TLE4: variants seen among roughly 807,000 people sequenced by gnomAD.
TLE4 encodes the protein transducin-like enhancer protein 4.
A neutral mutation model predicts 92.8 loss-of-function variants in TLE4; 8 were observed. The ratio of observed to expected loss-of-function variants is 0.09; its 90% confidence interval spans 0.05 to 0.16. The LOEUF (loss-of-function observed/expected upper bound fraction) is 0.16. TLE4 is among the 10% of genes least tolerant of loss of function. The pLI, the probability that TLE4 is intolerant of heterozygous loss-of-function variation, is 1.00. For missense variants in TLE4, 675 were observed against 997.6 expected (o/e 0.68, Z 4.36); for synonymous variants, 371 against 374.1 (o/e 0.99, Z 0.10).
In TLE4 at chr9:79,676,829, A is replaced by T. The variant is rs112304150; in HGVS notation, c.609+22754A>T. Among the ~76,000 whole-genome samples, 136 of 152,306 alleles carry T rather than the reference A, an allele frequency of 8.9e-4. 1 individual carries two copies. Among genetic ancestry groups the T allele is most frequent in the African/African-American group, 2.8e-3 (118 of 41,590 alleles). The stretch of plus-strand genomic sequence containing the variant: ...ATAGCAGAGCTTTATTATTTTAAAA[A>T]ATCCTCAAATTATTAGTTTGAGCTA... On this transcript the variant is annotated intron_variant, in intron 8 of 19. Coordinates refer to ENST00000376552, the MANE Select transcript of TLE4 (RefSeq NM_007005.6).
chr9:79,673,695 CAGAGT>C (rs2062786300), intron 8 of TLE4, among the ~76,000 whole-genome samples: 1 of 152,150 alleles, frequency 6.6e-6, no homozygotes, highest in Non-Finnish European at 1.5e-5. Flanking sequence ...TTGCATTTAA[CAGAGT>C]AATTTCCCCC....
intron 14 of TLE4, among the ~76,000 whole-genome samples, chr9:79,713,245 C>A (rs886772629): frequency 6.6e-6 from 1 of 152,144 alleles, no homozygotes; most frequent in Non-Finnish European, 1.5e-5. Flanking sequence ...AAGCCAGTGA[C>A]CTTCTTTAAA....
intron 5 of TLE4, among the ~76,000 whole-genome samples, chr9:79,623,297 A>G (rs183869464): frequency 2.9e-4 from 44 of 152,232 alleles, no homozygotes; most frequent in Admixed American, 1.7e-3. Flanking sequence ...CATTGGCATG[A>G]CAGGTATTCT....
At chr9:79,585,873 C>G (rs1355259792) in intron 4 of TLE4, among the ~76,000 whole-genome samples, 1 of 143,910 alleles carries the variant, frequency 6.9e-6, no homozygotes, top group Non-Finnish European at 1.5e-5. Context: ...CAGTGAGACG[C>G]AGATGTTAGA....
chr9:79,704,248 G>C (rs2070857427), intron 8 of TLE4, among the ~76,000 whole-genome samples: 1 of 152,066 alleles, frequency 6.6e-6, no homozygotes, highest in Non-Finnish European at 1.5e-5. Context: ...TGAGTAGCTG[G>C]GACTGCAGGC....
intron 4 of TLE4, among the ~76,000 whole-genome samples, chr9:79,598,181 G>A (rs920408326): frequency 8.6e-5 from 13 of 151,206 alleles, no homozygotes; most frequent in African/African-American, 3.2e-4. Flanking sequence ...CCCAGGGGGC[G>A]GAGGTTGCTG....
chr9:79,645,043 G>A (rs1178716317), intron 6 of TLE4, among the ~76,000 whole-genome samples: 1 of 152,134 alleles, frequency 6.6e-6, no homozygotes, highest in Non-Finnish European at 1.5e-5. Flanking sequence ...CTCCATTCCT[G>A]AAAATGTTTT....
chr9:79,657,473 G>C (rs2059933274), intron 8 of TLE4, among the ~76,000 whole-genome samples: 1 of 152,162 alleles, frequency 6.6e-6, no homozygotes, highest in Non-Finnish European at 1.5e-5. Flanking sequence ...TGAGGGCTGA[G>C]GGGTAAAAGT....
chr9:79,607,876 A>G (rs997141355), intron 4 of TLE4, among the ~76,000 whole-genome samples: 4 of 152,004 alleles, frequency 2.6e-5, no homozygotes, highest in Admixed American at 2.6e-4. Flanking sequence ...TGTCTTGGCA[A>G]TGCGGGCTTT....
chr9:79,701,599 G>A (rs886400210), intron 8 of TLE4, among the ~76,000 whole-genome samples: 7 of 152,070 alleles, frequency 4.6e-5, no homozygotes, highest in African/African-American at 1.7e-4. Context: ...GCCAGATTTA[G>A]TGCATCTAAA....
intron 5 of TLE4, among the ~76,000 whole-genome samples, chr9:79,622,560 A>G (rs1472018483): frequency 6.6e-6 from 1 of 151,972 alleles, no homozygotes; most frequent in African/African-American, 2.4e-5. Flanking sequence ...GCATCCTGTA[A>G]TTTTTCTTAT....
intron 4 of TLE4, among the ~76,000 whole-genome samples, chr9:79,592,494 T>C (rs2042960688): frequency 1.3e-5 from 2 of 152,010 alleles, no homozygotes; most frequent in Admixed American, 1.3e-4. Flanking sequence ...CAGGCTAATC[T>C]CAAACTTCTG....
chr9:79,720,758 A>T (rs940738986), intron 16 of TLE4, among the ~76,000 whole-genome samples: 1 of 152,152 alleles, frequency 6.6e-6, no homozygotes, highest in Admixed American at 6.5e-5. Flanking sequence ...TGAGTGCCAT[A>T]CACATCTAAC....
Position 79,706,734 on chromosome 9 carries a change from T to A in TLE4, c.784-13T>A. 1 of 1,611,364 alleles carries A rather than the reference T, an allele frequency of 6.2e-7. No individual in the cohort carries two copies. The highest frequency in any genetic ancestry group is 8.5e-7 in the Non-Finnish European group (1 of 1,178,794). On this transcript the variant is annotated splice_polypyrimidine_tract_variant and intron_variant, in intron 10 of 19. Transcript: ENST00000376552. ...GCTGTGCTTGCATTACTGTCCACGA[T>A]GTTCCTTTGTAGGATCCATCTTCCC...
At chr9:79,649,649 C>A in intron 6 of TLE4, 1 of 347,674 alleles carries the variant, frequency 2.9e-6, no homozygotes, top group Non-Finnish European at 5.3e-6. Flanking sequence ...CTAAGATTAG[C>A]ATACAAGAGG....
chr9:79,652,250 G>A (rs904294833), intron 6 of TLE4, among the ~76,000 whole-genome samples: 5 of 151,596 alleles, frequency 3.3e-5, no homozygotes, highest in East Asian at 1.9e-4. Context: ...GCAGTGGCAC[G>A]AACTCGGCTC....
intron 14 of TLE4, among the ~76,000 whole-genome samples, chr9:79,713,896 G>T (rs2016420): frequency 0.16 from 23,611 of 151,824 alleles, 2,384 homozygotes; most frequent in African/African-American, 0.29. Context: ...GAGAGTCTCG[G>T]TCTGTCACCC....
chr9:79,666,722 A>C (rs2061464711), intron 8 of TLE4, among the ~76,000 whole-genome samples: 1 of 152,246 alleles, frequency 6.6e-6, no homozygotes, highest in African/African-American at 2.4e-5. Context: ...TATAAAAGTG[A>C]AAATGTTTAG....
intron 6 of TLE4, among the ~76,000 whole-genome samples, chr9:79,647,819 T>A (rs115271532): frequency 0.011 from 1,688 of 152,120 alleles, 37 homozygotes; most frequent in African/African-American, 0.038. Flanking sequence ...GTTAAGTATC[T>A]TAATGGTATT....
Sources: gnomAD v4.1 joint callset for allele counts (sites outside exome capture counted in the v4.1 genomes callset) on GRCh38, gnomAD v4.1.1 for gene constraint, MANE v1.5 for transcripts, NCBI Gene and HGNC (gene_info 2026-07-23, HGNC 2026-07-21) for gene names.